Variants in SAMD5 observed in about 807,000 individuals in gnomAD.
SAMD5 encodes sterile alpha motif domain-containing protein 5.
A neutral mutation model predicts 11.3 loss-of-function variants in SAMD5; 13 were observed. The ratio of observed to expected loss-of-function variants is 1.15; its 90% CI spans 0.75 to 1.83. SAMD5 has a LOEUF of 1.83. Among genes scored for constraint, SAMD5 ranks in the 40% most tolerant of loss-of-function variants. SAMD5 has a pLI of 0.00. For missense variants in SAMD5, 255 were observed against 239.1 expected, an observed-to-expected ratio of 1.07 and a Z score of -0.44; for synonymous variants, 129 against 111.3, an observed-to-expected ratio of 1.16 and a Z score of -1.00.
the SAMD5 span, among the ~76,000 whole-genome samples, chr6:147,850,995 G>A: frequency 2.1e-5 from 3 of 145,392 alleles, no homozygotes; most frequent in Non-Finnish European, 4.5e-5. Context: ...TTCCCAGTCT[G>A]CAGTGCAGTG....
downstream of SAMD5, among the ~76,000 whole-genome samples, chr6:147,571,852 A>G (rs1789143093): frequency 6.6e-6 from 1 of 152,172 alleles, no homozygotes; most frequent in Non-Finnish European, 1.5e-5. Flanking sequence ...TTTCCTGGTG[A>G]GCAGAGCTGT....
intron 1 of SAMD5, among the ~76,000 whole-genome samples, chr6:147,558,640 G>A (rs1234396342): frequency 6.6e-6 from 1 of 151,872 alleles, no homozygotes; most frequent in Non-Finnish European, 1.5e-5. Context: ...CCTCTCATGG[G>A]CTCTTCTGCA....
Position 147,565,301 on chromosome 6 carries a change from A to T in SAMD5, c.*845A>T. The T allele has an allele frequency of 2.0e-6, 2 of 985,916 alleles. No homozygotes were observed. Among genetic ancestry groups the T allele is most frequent in the Non-Finnish European group, 2.4e-6 (2 of 829,976 alleles). 61.1% of individuals were successfully genotyped at this position (985,916 alleles called of 1,614,324 possible). A position where few individuals can be genotyped will look rare whatever the true frequency, so the allele number is the denominator to read the frequency against. On this transcript the variant is annotated 3_prime_UTR_variant, in exon 2 of 2. Transcript: ENST00000367474. Reference sequence around the variant, plus strand: ...CCTTGCTCTCCAGGCTTCTGACTTCAGGCCTGTGGGGGCCGGGAGGTGGGC... The same window carrying T: ...CCTTGCTCTCCAGGCTTCTGACTTCTGGCCTGTGGGGGCCGGGAGGTGGGC...
the SAMD5 span, among the ~76,000 whole-genome samples, chr6:147,787,929 T>C: frequency 1.3e-5 from 2 of 152,192 alleles, no homozygotes; most frequent in Admixed American, 6.5e-5. Context: ...TTGGGCTTCT[T>C]TGTCAGCTGT....
the SAMD5 span, among the ~76,000 whole-genome samples, chr6:147,851,523 T>C: frequency 6.6e-6 from 1 of 152,252 alleles, no homozygotes; most frequent in South Asian, 2.1e-4. Flanking sequence ...AACTTCAAGG[T>C]GAAGGCTTGT....
chr6:147,910,857 A>C, the SAMD5 span, among the ~76,000 whole-genome samples: 1 of 152,266 alleles, frequency 6.6e-6, no homozygotes, highest in Non-Finnish European at 1.5e-5. Context: ...TGATGTTTTC[A>C]GTGATCGGGA....
At chr6:147,550,626 A>G (rs1316043650) in intron 1 of SAMD5, among the ~76,000 whole-genome samples, 1 of 152,192 alleles carries the variant, frequency 6.6e-6, no homozygotes, top group Non-Finnish European at 1.5e-5. Flanking sequence ...ACTGGAGGCC[A>G]TTATGTTAAG....
At chr6:147,581,531 T>C (rs543979612) in intron 1 of SAMD5, among the ~76,000 whole-genome samples, 1 of 152,066 alleles carries the variant, frequency 6.6e-6, no homozygotes, top group South Asian at 2.1e-4. Context: ...GGAAGGAGCT[T>C]TGAACCAAGT....
At chr6:147,562,881 T>C (rs1029879924) in intron 1 of SAMD5, among the ~76,000 whole-genome samples, 1 of 152,116 alleles carries the variant, frequency 6.6e-6, no homozygotes, top group Admixed American at 6.5e-5. Context: ...TTCAGGTAAC[T>C]TCCCTTCTCT....
chr6:147,829,373 G>A, the SAMD5 span, among the ~76,000 whole-genome samples: 2 of 152,134 alleles, frequency 1.3e-5, no homozygotes, highest in African/African-American at 4.8e-5. Flanking sequence ...TAGAGCAGTG[G>A]TCCTCTCCTA....
chr6:147,674,920 A>C (rs958856973), intron 1 of SAMD5, among the ~76,000 whole-genome samples: 1 of 152,184 alleles, frequency 6.6e-6, no homozygotes, highest in African/African-American at 2.4e-5. Context: ...AGGTATTACC[A>C]TTCTTTGAAG....
Position 147,508,973 on chromosome 6 carries a change from T to G in SAMD5, c.45T>G (p.Leu15=), listed in dbSNP as rs769197236. 6 of 1,601,528 alleles carry G rather than the reference T, an allele frequency of 3.7e-6. 1 individual carries two copies. The South Asian group carries it at 6.7e-5, about 18-fold the overall frequency. The change falls in exon 1 of 2, where the codon CTT becomes CTG. Residue 15 remains leucine, a synonymous_variant. Coordinates refer to ENST00000367474, the MANE Select transcript of SAMD5 (RefSeq NM_001030060.3). ...IVYEWLKALQ[L]PQYAESFVDN... ...ACGAGTGGCTCAAAGCGCTGCAGCT[T>G]CCGCAGTACGCGGAGTCCTTCGTGG...
intron 1 of SAMD5, among the ~76,000 whole-genome samples, chr6:147,591,196 C>G (rs111251421): frequency 6.6e-6 from 1 of 151,966 alleles, no homozygotes; most frequent in African/African-American, 2.4e-5. Context: ...GAGCAACTAC[C>G]TCTCTTAAAA....
chr6:147,759,396 T>C, the SAMD5 span, among the ~76,000 whole-genome samples: 1 of 152,178 alleles, frequency 6.6e-6, no homozygotes, highest in African/African-American at 2.4e-5. Context: ...GCCTAGATGC[T>C]GGGCCAACTG....
rs1022886568 is a variant in SAMD5, at chr6:147,640,668, GTCCCA to G, written c.163-96642_163-96638del. On this transcript the variant is annotated intron_variant, in intron 1 of 1. Transcript: ENST00000566741. ...CTTCAACATTTACCCAAATAAACCA[GTCCCA>G]TCCCATTTAAAACAGGTTCAATGGG... Among the ~76,000 whole-genome samples the G allele has an allele frequency of 5.4e-4, 82 of 152,006 alleles. 1 individual carries two copies. The highest frequency in any genetic ancestry group is 1.9e-3 in the African/African-American group (79 of 41,382).
chr6:147,909,818 G>GT, the SAMD5 span, among the ~76,000 whole-genome samples: 1 of 151,920 alleles, frequency 6.6e-6, no homozygotes, highest in African/African-American at 2.4e-5. Context: ...TAGAGAAAAA[G>GT]TTTGCTAACC....
At chr6:147,777,806 T>G in the SAMD5 span, among the ~76,000 whole-genome samples, 1 of 152,242 alleles carries the variant, frequency 6.6e-6, no homozygotes, top group African/African-American at 2.4e-5. Context: ...TAGTATAATG[T>G]ATTCAAGATT....
the SAMD5 span, among the ~76,000 whole-genome samples, chr6:147,855,277 A>G: frequency 6.6e-6 from 1 of 152,286 alleles, no homozygotes; most frequent in African/African-American, 2.4e-5. Flanking sequence ...TAATAACCAT[A>G]TCAAGAATTT....
At chr6:147,534,048 C>A (rs1238952540) in intron 1 of SAMD5, among the ~76,000 whole-genome samples, 1 of 146,694 alleles carries the variant, frequency 6.8e-6, no homozygotes, top group Non-Finnish European at 1.5e-5. Flanking sequence ...CAGCCTAGCC[C>A]ATAAGGAGGG....
Sources: allele counts gnomAD v4.1 joint callset (sites outside exome capture counted in the v4.1 genomes callset), GRCh38; gene constraint gnomAD v4.1.1; transcripts MANE v1.5; gene names NCBI Gene and HGNC (gene_info 2026-07-23, HGNC 2026-07-21).